GLCCI1: variants seen among roughly 807,000 people sequenced by gnomAD.
GLCCI1 encodes glucocorticoid-induced transcript 1 protein.
In GLCCI1, 24 loss-of-function variants were observed where a neutral mutation model predicts 52.2. That is an observed-to-expected ratio of 0.46 (90% CI 0.33 to 0.65). The LOEUF (loss-of-function observed/expected upper bound fraction) is 0.65, where lower values mean the gene tolerates loss of function less well. Among genes scored for constraint, GLCCI1 ranks in the 30% least tolerant of loss-of-function variants. The pLI, the probability that GLCCI1 is intolerant of heterozygous loss-of-function variation, is 0.02. For missense variants in GLCCI1, 704 were observed against 701.5 expected (o/e 1.00, Z -0.04); for synonymous variants, 310 against 276.5 (o/e 1.12, Z -1.20).
intron 6 of GLCCI1, among the ~76,000 whole-genome samples, chr7:8,082,351 T>C (rs917049326): frequency 1.3e-5 from 2 of 152,170 alleles, no homozygotes; most frequent in Non-Finnish European, 2.9e-5. Context: ...AGTTCATGAA[T>C]GGCAATTCCT....
rs1320018037 is a variant in GLCCI1, at chr7:8,086,493, G to A, written c.1599G>A (p.Leu533=). 1 of 1,613,784 alleles carries A rather than the reference G, an allele frequency of 6.2e-7. No individual in the cohort carries two copies. Among genetic ancestry groups the A allele is most frequent in the East Asian group, 2.2e-5 (1 of 44,874 alleles). ...AGCAGCAGCAGCTCCTGCAGGAACT[G>A]CAGGGTGAGGACCACATCTCTGCTC... ...PSQQQQLLQE[L]QGEDHISAQN... is the part of the protein sequence containing the mutation. Residue 533 remains leucine (L), a synonymous_variant, in exon 8 of 8, where the codon CTG becomes CTA. Coordinates refer to ENST00000223145, the MANE Select transcript of GLCCI1 (RefSeq NM_138426.4). This position sits in a 1 kb window ranked among gnomAD's most constrained non-coding sequence, Gnocchi z 4.4.
intron 7 of GLCCI1, among the ~76,000 whole-genome samples, chr7:8,085,736 A>ACT (rs3832516): frequency 0.74 from 112,703 of 151,572 alleles, 42,350 homozygotes; most frequent in African/African-American, 0.85. Flanking sequence ...GACCACTGAA[A>ACT]CTCCCCTCCC....
At chr7:8,063,615 C>CTTT (rs917291629) in intron 5 of GLCCI1, among the ~76,000 whole-genome samples, 51 of 113,668 alleles carry the variant, frequency 4.5e-4, no homozygotes, top group Admixed American at 1.1e-3. Flanking sequence ...ACTTTTCTTC[C>CTTT]TTTTTTTTTT....
At chr7:8,059,945 A>G (rs1382047589) in intron 4 of GLCCI1, 151 bp from the exon 5 acceptor site, 7 of 621,316 alleles carry the variant, frequency 1.1e-5, no homozygotes, top group Non-Finnish European at 1.9e-5. Context: ...TCAGAACCTA[A>G]ATTTCTATAT....
At chr7:8,044,895 G>T (rs1430419022) in intron 3 of GLCCI1, among the ~76,000 whole-genome samples, 1 of 152,072 alleles carries the variant, frequency 6.6e-6, no homozygotes, top group Non-Finnish European at 1.5e-5. Context: ...AAAAAGTCTT[G>T]GTGATGAGTG....
Position 8,060,086 on chromosome 7 carries a change from TATCTC to T in GLCCI1, c.814-7_814-3del, listed in dbSNP as rs1489191212. On this transcript the variant is annotated splice_polypyrimidine_tract_variant and splice_region_variant and intron_variant, in intron 4 of 7. Coordinates refer to ENST00000223145, the MANE Select transcript of GLCCI1 (RefSeq NM_138426.4). ...AAATAATTTGATACCACCTTTATCT[TATCTC>T]ATAGGCTACTGGATCAAGGTCAGTT... The T allele has an allele frequency of 6.2e-7, 1 of 1,603,616 alleles. No homozygotes were observed. The highest frequency in any genetic ancestry group is 8.5e-7 in the Non-Finnish European group (1 of 1,176,338).
At chr7:8,026,363 A>G (rs1446034125) in intron 3 of GLCCI1, among the ~76,000 whole-genome samples, 1 of 152,128 alleles carries the variant, frequency 6.6e-6, no homozygotes, top group Admixed American at 6.6e-5. Flanking sequence ...AAAAGTTGTG[A>G]CACAAAAATA....
intron 2 of GLCCI1, among the ~76,000 whole-genome samples, chr7:8,014,904 A>G (rs574371958): frequency 3.2e-4 from 48 of 152,312 alleles, no homozygotes; most frequent in African/African-American, 1.0e-3. Flanking sequence ...ATTGTTTTAA[A>G]TTAATTTTTA....
intron 3 of GLCCI1, among the ~76,000 whole-genome samples, chr7:8,044,813 T>C (rs918767790): frequency 4.0e-5 from 6 of 150,030 alleles, no homozygotes; most frequent in African/African-American, 1.5e-4. Flanking sequence ...TGTGAAAAAA[T>C]TTAATCATAA....
chr7:8,042,144 C>T (rs779162665), intron 3 of GLCCI1, among the ~76,000 whole-genome samples: 3 of 152,064 alleles, frequency 2.0e-5, no homozygotes, highest in South Asian at 2.1e-4. Flanking sequence ...CCAAAAGCTC[C>T]GATGGGGATA....
chr7:7,986,900 T>TA (rs1780745559), intron 1 of GLCCI1, among the ~76,000 whole-genome samples: 1 of 152,190 alleles, frequency 6.6e-6, no homozygotes, highest in Non-Finnish European at 1.5e-5. Context: ...TATCTTGTCT[T>TA]ACCTTCTCAG....
At chr7:8,078,631 T>A (rs1782924686) in intron 6 of GLCCI1, 2 of 152,008 alleles carry the variant, frequency 1.3e-5, no homozygotes, top group African/African-American at 4.8e-5. Flanking sequence ...TCATGCCTCT[T>A]AACTGGGAGA....
At chr7:8,071,471 A>T (rs1307027015) in intron 6 of GLCCI1, among the ~76,000 whole-genome samples, 1 of 152,200 alleles carries the variant, frequency 6.6e-6, no homozygotes, top group Non-Finnish European at 1.5e-5. Flanking sequence ...ACCATGGTAA[A>T]ATCAAGCTTA....
rs758420794 is a variant in GLCCI1 at position 7,969,414 on chromosome 7, A to G, written c.64A>G (p.Arg22Gly). 2.2e-6 allele frequency: 3 copies of G among 1,375,984 alleles called. No individual in the cohort carries two copies. Among genetic ancestry groups the G allele is most frequent in the Admixed American group, 2.6e-5 (1 of 38,422 alleles). The allele number at this position is 1,375,984 out of a possible 1,614,324, so 85.2% of individuals were successfully genotyped here. ...TCAGACCCCTCATCCCCCGTCGCAG[A>G]GGATGAGGCGCAGCGCCGCGGGGTC... ...SSQTPHPPSQRMRRSAAGSPP... is the reference protein window; with the variant it reads ...SSQTPHPPSQGMRRSAAGSPP... Residue 22 changes from arginine to glycine, a missense_variant, in exon 1 of 8, where the codon AGG becomes GGG. Around this residue, in one of 3 missense-constraint regions of GLCCI1, gnomAD observed 547 missense variants for 524.8 expected, o/e 1.04. Transcript: ENST00000223145. This position sits in a 1 kb window ranked among gnomAD's most constrained non-coding sequence, Gnocchi z 4.9.
chr7:8,040,555 CACACA>C (rs1781975690), intron 3 of GLCCI1, among the ~76,000 whole-genome samples: 1 of 151,482 alleles, frequency 6.6e-6, no homozygotes, highest in African/African-American at 2.4e-5. Context: ...CACACACACA[CACACA>C]CCAATGACTA....
chr7:8,031,189 A>AT (rs1781740172), intron 3 of GLCCI1, among the ~76,000 whole-genome samples: 1 of 152,188 alleles, frequency 6.6e-6, no homozygotes, highest in Non-Finnish European at 1.5e-5. Flanking sequence ...CTTATAGACA[A>AT]AGCAGTACTA....
rs1358853019 is a variant in GLCCI1 at position 8,088,825 on chromosome 7, G to A, written c.*2287G>A. 4 of 152,622 alleles carry A rather than the reference G, an allele frequency of 2.6e-5. No homozygotes were observed. Among genetic ancestry groups the A allele is most frequent in the Non-Finnish European group, 4.4e-5 (3 of 68,028 alleles). The allele number at this position is 152,622 out of a possible 1,614,324, so 9.5% of individuals were successfully genotyped here. ...AAAGTTTTGAACCAAATGTGTTAAA[G>A]CTTACGCTTTGCCATGTAAATTTCC... On this transcript the variant is annotated 3_prime_UTR_variant, in exon 8 of 8. Coordinates refer to ENST00000223145, the MANE Select transcript of GLCCI1 (RefSeq NM_138426.4).
intron 2 of GLCCI1, among the ~76,000 whole-genome samples, chr7:8,014,321 A>G (rs1002906750): frequency 2.0e-5 from 3 of 152,048 alleles, no homozygotes. Flanking sequence ...CTTGACTCTA[A>G]TGGTAATGTA....
chr7:8,084,214 T>C (rs1005162924), intron 6 of GLCCI1, among the ~76,000 whole-genome samples: 14 of 152,306 alleles, frequency 9.2e-5, no homozygotes, highest in Middle Eastern at 3.4e-3. Flanking sequence ...AATAGACCAT[T>C]TTCTTTTTGG....
Sources: allele counts gnomAD v4.1 joint callset (sites outside exome capture counted in the v4.1 genomes callset), GRCh38; gene constraint gnomAD v4.1.1; regional missense constraint gnomAD v4.1.1; non-coding constraint Gnocchi (gnomAD v3.1); transcripts MANE v1.5; gene names NCBI Gene and HGNC (gene_info 2026-07-23, HGNC 2026-07-21).